The following PAPPA variants were observed in gnomAD, a reference collection of about 807,000 sequenced individuals.
PAPPA encodes the protein pappalysin 1.
A neutral mutation model predicts 164.0 loss-of-function variants in PAPPA; 60 were observed. The ratio of observed to expected loss-of-function variants is 0.37; its 90% CI spans 0.30 to 0.45. The LOEUF (loss-of-function observed/expected upper bound fraction) is 0.45, where lower values mean the gene tolerates loss of function less well. Among genes scored for constraint, PAPPA ranks in the 20% least tolerant of loss-of-function variants. The probability of loss-of-function intolerance (pLI) is 1.00; values close to 1 mark genes in which losing one functional copy is unlikely to be tolerated. For synonymous variants in PAPPA, 875 were observed against 814.1 expected (o/e 1.07, Z -1.27); for missense variants, 1,782 against 2,087.3 (o/e 0.85, Z 2.85).
intron 2 of PAPPA, among the ~76,000 whole-genome samples, chr9:116,206,215 T>G (rs184327921): frequency 6.6e-6 from 1 of 152,246 alleles, no homozygotes; most frequent in African/African-American, 2.4e-5. Context: ...TAGACATAAA[T>G]GTAAGCTCTC....
At chr9:116,308,238 G>C (rs1845671306) in intron 10 of PAPPA, among the ~76,000 whole-genome samples, 1 of 152,174 alleles carries the variant, frequency 6.6e-6, no homozygotes, top group Non-Finnish European at 1.5e-5. Context: ...AGTAGCCAAA[G>C]ACCCAAGAGT....
chr9:116,243,470 A>G (rs1844759532), intron 7 of PAPPA, among the ~76,000 whole-genome samples: 1 of 152,148 alleles, frequency 6.6e-6, no homozygotes, highest in Non-Finnish European at 1.5e-5. Flanking sequence ...TCTTAGATGG[A>G]GAAGCTCAGA....
chr9:116,377,766 T>C lies in PAPPA; in HGVS notation c.4677+119T>C, dbSNP rs1047733586. ...ACCTACTGAGTGTTGAAAATATCCA[T>C]TTAGCAGACTTCTTGGACAGGGATT... On this transcript the variant is annotated intron_variant, in intron 20 of 21. Coordinates refer to ENST00000328252, the MANE Select transcript of PAPPA (RefSeq NM_002581.5). 2.9e-5 allele frequency: 21 copies of C among 712,582 alleles called. No homozygotes were observed. The African/African-American group carries it at 3.7e-4, about 12-fold the overall frequency. The allele number at this position is 712,582 out of a possible 1,614,324, so 44.1% of individuals were successfully genotyped here. A position where few individuals can be genotyped will look rare whatever the true frequency, so the allele number is the denominator to read the frequency against.
intron 20 of PAPPA, among the ~76,000 whole-genome samples, chr9:116,378,107 C>A (rs1198954538): frequency 6.6e-6 from 1 of 152,184 alleles, no homozygotes; most frequent in East Asian, 1.9e-4. Flanking sequence ...TTCTGCCCCA[C>A]ATCTTAGTCA....
intron 7 of PAPPA, among the ~76,000 whole-genome samples, chr9:116,259,424 T>C (rs1844974989): frequency 6.6e-6 from 1 of 152,078 alleles, no homozygotes; most frequent in Non-Finnish European, 1.5e-5. Context: ...TAATATCCAG[T>C]ATATGTAAAT....
At position 116,187,180 on chromosome 9, in the gene PAPPA, T is replaced by A; in HGVS notation, c.442T>A (p.Ser148Thr). ...TGLYDKCSYISRDRGWVVGIH... is the reference protein window; with the variant it reads ...TGLYDKCSYITRDRGWVVGIH... ...GCTGTATGACAAATGTTCTTATATCTCACGTGACCGAGGATGGGTCGTGGG... is the reference window on the plus strand; with the variant it reads ...GCTGTATGACAAATGTTCTTATATCACACGTGACCGAGGATGGGTCGTGGG... Residue 148 changes from serine to threonine, a missense_variant, in exon 2 of 22, where the codon TCA becomes ACA. Around this residue, in one of 2 missense-constraint regions of PAPPA, gnomAD observed 458 missense variants for 430.3 expected, o/e 1.06. Transcript: ENST00000328252. This position sits in a 1 kb window ranked among gnomAD's most constrained non-coding sequence, Gnocchi z 4.2. 1 of 1,613,984 alleles carries A rather than the reference T, an allele frequency of 6.2e-7. No homozygotes were observed. Among genetic ancestry groups the A allele is most frequent in the Non-Finnish European group, 8.5e-7 (1 of 1,179,868 alleles).
In PAPPA at chr9:116,377,208, G is replaced by GCACA. The variant is rs34081408; in HGVS notation, c.4606-367_4606-366insACAC. Among the ~76,000 whole-genome samples, 1,192 of 146,138 alleles carry GCACA rather than the reference G, an allele frequency of 8.2e-3. 23 individuals carry two copies. The highest frequency in any genetic ancestry group is 0.03 in the African/African-American group (1,155 of 38,844). On this transcript the variant is annotated intron_variant, in intron 19 of 21. Transcript: ENST00000328252. ...CACACACACATGCAAACACACACAT[G>GCACA]CGCACACACACACACACCCCTCCTC...
chr9:116,265,511 T>A (rs1379168628), intron 7 of PAPPA, among the ~76,000 whole-genome samples: 1 of 152,228 alleles, frequency 6.6e-6, no homozygotes, highest in Non-Finnish European at 1.5e-5. Context: ...TTATTTTTCC[T>A]GGATGGCTTC....
intron 4 of PAPPA, 23 bp downstream of exon 4, chr9:116,211,955 G>A (rs1012085374): frequency 1.2e-5 from 19 of 1,605,310 alleles, no homozygotes; most frequent in Non-Finnish European, 1.5e-5. Flanking sequence ...ACTCTGTAGG[G>A]TGAACAGGTC....
chr9:116,231,543 C>T (rs910221778), intron 6 of PAPPA, among the ~76,000 whole-genome samples: 7 of 152,070 alleles, frequency 4.6e-5, no homozygotes, highest in Non-Finnish European at 8.8e-5. Context: ...TCTTGCAAGA[C>T]TAAAAGCTCC....
At chr9:116,252,592 G>A (rs1564199447) in intron 7 of PAPPA, among the ~76,000 whole-genome samples, 2 of 152,200 alleles carry the variant, frequency 1.3e-5, no homozygotes, top group South Asian at 4.1e-4. Flanking sequence ...GGCAGATTCA[G>A]TATCTCAACT....
At chr9:116,377,144 T>A (rs1846663972) in intron 19 of PAPPA, among the ~76,000 whole-genome samples, 2 of 151,942 alleles carry the variant, frequency 1.3e-5, no homozygotes, top group East Asian at 3.9e-4. Flanking sequence ...TTTTCTCCCA[T>A]CCGCCTGCTG....
chr9:116,388,599 C>T (rs1846847605), intron 21 of PAPPA, among the ~76,000 whole-genome samples: 1 of 152,136 alleles, frequency 6.6e-6, no homozygotes, highest in African/African-American at 2.4e-5. Context: ...GTAGGCCAGA[C>T]TCACTTTGGG....
intron 4 of PAPPA, among the ~76,000 whole-genome samples, chr9:116,214,532 G>C (rs1844347734): frequency 6.6e-6 from 1 of 152,130 alleles, no homozygotes; most frequent in African/African-American, 2.4e-5. Context: ...TTCTGGTTGT[G>C]GGGAAGGTTG....
At chr9:116,353,306 T>C (rs183999438) in intron 16 of PAPPA, among the ~76,000 whole-genome samples, 1 of 152,262 alleles carries the variant, frequency 6.6e-6, no homozygotes. Flanking sequence ...AAATGGTGGG[T>C]AATCATAACA....
At chr9:116,182,425 A>C (rs954821122) in intron 1 of PAPPA, among the ~76,000 whole-genome samples, 5 of 152,230 alleles carry the variant, frequency 3.3e-5, no homozygotes, top group Admixed American at 1.3e-4. Context: ...TGAATGAGTA[A>C]TTACTCAGTG....
intron 10 of PAPPA, among the ~76,000 whole-genome samples, chr9:116,327,183 A>AATG (rs1156819674): frequency 6.6e-6 from 1 of 152,200 alleles, no homozygotes; most frequent in Non-Finnish European, 1.5e-5. Context: ...GACAGGGAGC[A>AATG]ATGTGAAAGG....
intron 17 of PAPPA, among the ~76,000 whole-genome samples, chr9:116,356,824 G>C (rs1846360479): frequency 6.6e-6 from 1 of 152,166 alleles, no homozygotes; most frequent in Non-Finnish European, 1.5e-5. Context: ...GCTTAGGATT[G>C]TCTTGGCTAT....
chr9:116,231,760 C>CTTTTTTTTTTTT (rs1470170244), intron 6 of PAPPA, among the ~76,000 whole-genome samples: 5 of 2,822 alleles, frequency 1.8e-3, no homozygotes, highest in Non-Finnish European at 2.7e-3. Flanking sequence ...CTTTTCTTTT[C>CTTTTTTTTTTTT]TTTTTCTTTT....
Sources: allele counts gnomAD v4.1 joint callset (sites outside exome capture counted in the v4.1 genomes callset), GRCh38; gene constraint gnomAD v4.1.1; regional missense constraint gnomAD v4.1.1; non-coding constraint Gnocchi (gnomAD v3.1); transcripts MANE v1.5; gene names NCBI Gene and HGNC (gene_info 2026-07-23, HGNC 2026-07-21).